Variants in ACER1 observed in about 807,000 individuals in gnomAD.
The protein encoded by ACER1 is alkaline ceramidase 1.
A neutral mutation model predicts 24.9 loss-of-function variants in ACER1; 28 were observed. The observed-to-expected ratio is 1.13, with a 90% CI of 0.83 to 1.54. The LOEUF (loss-of-function observed/expected upper bound fraction) is 1.54, where lower values mean the gene tolerates loss of function less well. Ranked by LOEUF, ACER1 falls within the 40% of genes most tolerant of loss-of-function variation. The pLI is 0.00. For synonymous variants in ACER1, 132 were observed against 131.4 expected (o/e 1.00, Z -0.03); for missense variants, 352 against 349.3 (o/e 1.01, Z -0.06).
intron 1 of ACER1, among the ~76,000 whole-genome samples, chr19:6,324,689 C>T (rs1178270897): frequency 6.6e-6 from 1 of 151,278 alleles, no homozygotes; most frequent in African/African-American, 2.4e-5. Flanking sequence ...TTCTTGAACC[C>T]GGGAGGCAGA....
the ACER1 span, among the ~76,000 whole-genome samples, chr19:6,350,371 T>C: frequency 6.6e-6 from 1 of 151,838 alleles, no homozygotes; most frequent in Non-Finnish European, 1.5e-5. Flanking sequence ...CTGCACGTTG[T>C]GCACATGTAC....
chr19:6,356,465 C>A, the ACER1 span, among the ~76,000 whole-genome samples: 1 of 142,314 alleles, frequency 7.0e-6, no homozygotes, highest in African/African-American at 2.8e-5. Flanking sequence ...CAAGAATGAT[C>A]AATAAAAAAA....
At chr19:6,357,707 G>A in the ACER1 span, among the ~76,000 whole-genome samples, 1 of 151,452 alleles carries the variant, frequency 6.6e-6, no homozygotes, top group Admixed American at 6.6e-5. Flanking sequence ...AGGCTTCAGT[G>A]AGCCGAGATC....
chr19:6,348,068 G>A, the ACER1 span, among the ~76,000 whole-genome samples: 2 of 148,768 alleles, frequency 1.3e-5, no homozygotes, highest in South Asian at 4.3e-4. Context: ...TAATTTTGAG[G>A]AGTGAGACAT....
At chr19:6,316,761 A>C (rs367722926) in intron 1 of ACER1, among the ~76,000 whole-genome samples, 22 of 150,658 alleles carry the variant, frequency 1.5e-4, no homozygotes, top group African/African-American at 5.4e-4. Context: ...CAGAGGTTGC[A>C]ATGAGCCGAG....
intron 1 of ACER1, 47 bp from the exon 2 acceptor site, chr19:6,312,546 C>T (rs200528145): frequency 1.2e-4 from 182 of 1,493,806 alleles, no homozygotes; most frequent in Non-Finnish European, 1.4e-4. Context: ...ATAGGGGAGA[C>T]GGAGGAGGCT....
intron 1 of ACER1, 42 bp from the exon 2 acceptor site, chr19:6,312,541 G>C (rs772594408): frequency 6.6e-7 from 1 of 1,517,236 alleles, no homozygotes; most frequent in Admixed American, 1.7e-5. Context: ...GTCAGATAGG[G>C]GAGACGGAGG....
At chr19:6,350,743 T>A in the ACER1 span, among the ~76,000 whole-genome samples, 28 of 152,234 alleles carry the variant, frequency 1.8e-4, 1 homozygote, top group South Asian at 4.4e-3. Flanking sequence ...CGGGGGTTGT[T>A]CTCTGTTTTC....
chr19:6,336,273 T>C (rs2091713951), upstream of ACER1, among the ~76,000 whole-genome samples: 1 of 151,160 alleles, frequency 6.6e-6, no homozygotes, highest in Admixed American at 6.6e-5. Flanking sequence ...CATAGTTCAA[T>C]GCAGCCTTGC....
the ACER1 span, among the ~76,000 whole-genome samples, chr19:6,354,266 G>A: frequency 1.2e-4 from 18 of 151,758 alleles, no homozygotes; most frequent in East Asian, 3.3e-3. Flanking sequence ...CTGCCCCCTG[G>A]AGGATACTTG....
At chr19:6,342,617 G>C in the ACER1 span, among the ~76,000 whole-genome samples, 5 of 151,760 alleles carry the variant, frequency 3.3e-5, no homozygotes, top group Non-Finnish European at 5.9e-5. Context: ...TACTCAGGAG[G>C]CTGAGGCAGG....
chr19:6,323,988 G>A (rs1040188266), intron 1 of ACER1, among the ~76,000 whole-genome samples: 3 of 152,206 alleles, frequency 2.0e-5, no homozygotes, highest in Admixed American at 1.3e-4. Context: ...GGAGATGGCA[G>A]CACTGCAGAC....
the ACER1 span, among the ~76,000 whole-genome samples, chr19:6,355,082 C>G: frequency 6.6e-6 from 1 of 152,150 alleles, no homozygotes; most frequent in Non-Finnish European, 1.5e-5. Flanking sequence ...GCCTCGGCCT[C>G]CAGAGGTGCC....
chr19:6,340,859 G>T, the ACER1 span, among the ~76,000 whole-genome samples: 1 of 152,122 alleles, frequency 6.6e-6, no homozygotes, highest in African/African-American at 2.4e-5. Flanking sequence ...TGAGCTCTCA[G>T]CGGTTATTGT....
At chr19:6,312,633 G>T (rs2144999892) in intron 1 of ACER1, 134 bp from the exon 2 acceptor site, 4 of 584,648 alleles carry the variant, frequency 6.8e-6, no homozygotes, top group African/African-American at 1.9e-5. Flanking sequence ...CCCAGGATTT[G>T]TCAATCACTC....
intron 1 of ACER1, among the ~76,000 whole-genome samples, chr19:6,320,102 C>CAA (rs59776363): frequency 0.074 from 7,506 of 101,330 alleles, 237 homozygotes; most frequent in East Asian, 0.15. Context: ...GATTCTGTCT[C>CAA]AAAAAAAAAA....
At chr19:6,338,708 C>T in the ACER1 span, among the ~76,000 whole-genome samples, 3 of 152,130 alleles carry the variant, frequency 2.0e-5, no homozygotes, top group South Asian at 2.1e-4. Flanking sequence ...ACACCTTAGC[C>T]TCCCAAGTAG....
chr19:6,347,144 A>G, the ACER1 span, among the ~76,000 whole-genome samples: 1 of 145,286 alleles, frequency 6.9e-6, no homozygotes, highest in Non-Finnish European at 1.5e-5. Flanking sequence ...AATAATAATA[A>G]AAGATAAGTT....
At chr19:6,310,632 A>G (rs559981495) in intron 3 of ACER1, among the ~76,000 whole-genome samples, 1 of 151,914 alleles carries the variant, frequency 6.6e-6, no homozygotes, top group East Asian at 1.9e-4. Flanking sequence ...TAATCCCAGC[A>G]ATTTGGGAGG....
Sources: allele counts gnomAD v4.1 joint callset (sites outside exome capture counted in the v4.1 genomes callset), GRCh38; gene constraint gnomAD v4.1.1; transcripts MANE v1.5; gene names NCBI Gene and HGNC (gene_info 2026-07-23, HGNC 2026-07-21).